The following PSG2 variants were observed in gnomAD, a reference collection of about 807,000 sequenced individuals.
PSG2 encodes pregnancy specific beta-1-glycoprotein 2.
Under a neutral mutation model 36.2 loss-of-function variants are expected in PSG2, and 49 were observed. The observed-to-expected ratio is 1.35, with a 90% CI of 1.08 to 1.72. The LOEUF (loss-of-function observed/expected upper bound fraction) is 1.72. Among genes scored for constraint, PSG2 ranks in the 40% most tolerant of loss-of-function variants. The pLI is 0.00. For synonymous variants in PSG2, 261 were observed against 155.6 expected (o/e 1.68, Z -5.04); for missense variants, 605 against 407.2 (o/e 1.49, Z -4.18).
intron 5 of PSG2, among the ~76,000 whole-genome samples, chr19:43,065,294 T>A (rs998199624): frequency 6.6e-6 from 1 of 151,756 alleles, no homozygotes; most frequent in African/African-American, 2.4e-5. Context: ...GAGTTCTTGG[T>A]GTAGCCCATT....
chr19:43,076,660 C>T (rs1161741610), intron 2 of PSG2, among the ~76,000 whole-genome samples: 1 of 151,434 alleles, frequency 6.6e-6, no homozygotes, highest in African/African-American at 2.4e-5. Context: ...TAGTAGTTTC[C>T]AGGAGCTGGG....
intron 5 of PSG2, among the ~76,000 whole-genome samples, chr19:43,064,949 A>G (rs1568509524): frequency 6.6e-6 from 1 of 151,714 alleles, no homozygotes; most frequent in Non-Finnish European, 1.5e-5. Flanking sequence ...CTCCTGCCTC[A>G]GCCTCCTGAG....
At chr19:43,068,244 A>G (rs1277344267) in intron 4 of PSG2, among the ~76,000 whole-genome samples, 4 of 151,420 alleles carry the variant, frequency 2.6e-5, no homozygotes, top group African/African-American at 4.9e-5. Flanking sequence ...GGACCAGCAT[A>G]GGTAACCTGG....
At chr19:43,080,008 A>G (rs1357242466) in intron 2 of PSG2, among the ~76,000 whole-genome samples, 2 of 151,714 alleles carry the variant, frequency 1.3e-5, no homozygotes, top group African/African-American at 4.9e-5. Flanking sequence ...GTGGCTTTTC[A>G]TGCTATCTGT....
chr19:43,080,959 C>A lies in PSG2; in HGVS notation c.352G>T (p.Gly118Ter), dbSNP rs149579909. ...LIQNVTREDAGSYTLHIIKRG... is the reference protein window; with the variant it reads ...LIQNVTREDA ...TTTATGATGTGTAAGGTGTAGGATC[C>A]TGCGTCCTCCCGGGTGACATTCTGG... is the stretch of plus-strand genomic sequence containing the variant. Residue 118 changes from glycine to a stop codon, truncating the protein, a stop_gained, in exon 2 of 6, where the codon GGA becomes TGA. Coordinates refer to ENST00000406487, the MANE Select transcript of PSG2 (RefSeq NM_031246.4). LOFTEE classifies it high-confidence loss of function. The A allele has an allele frequency of 1.7e-5, 28 of 1,612,246 alleles. No homozygotes were observed. The highest frequency in any genetic ancestry group is 2.3e-5 in the Non-Finnish European group (27 of 1,179,194).
chr19:43,075,505 G>T lies in PSG2; in HGVS notation c.558C>A (p.Ser186Arg). 1.2e-6 allele frequency: 2 copies of T among 1,613,212 alleles called. No individual in the cohort carries two copies. The highest frequency in any genetic ancestry group is 1.7e-6 in the Non-Finnish European group (2 of 1,179,720). The change falls in exon 3 of 6, where the codon AGC becomes AGA. Residue 186 changes from serine (S) to arginine (R), a missense_variant. Physicochemically the swap from Ser to Arg is moderately radical, Grantham distance 110. Coordinates refer to ENST00000406487, the MANE Select transcript of PSG2 (RefSeq NM_031246.4). Reference sequence around the variant, plus strand: ...GCTGAAACCTATGAGTCATAGGGAGGCTCTGACCATTCATCCACCACTGGT... The same window carrying T: ...GCTGAAACCTATGAGTCATAGGGAGTCTCTGACCATTCATCCACCACTGGT... Reference protein sequence around the residue: ...TSYQWWMNGQSLPMTHRFQLS... With the variant: ...TSYQWWMNGQRLPMTHRFQLS...
At chr19:43,065,225 T>C (rs938376002) in intron 5 of PSG2, among the ~76,000 whole-genome samples, 2 of 151,654 alleles carry the variant, frequency 1.3e-5, no homozygotes, top group Non-Finnish European at 2.9e-5. Flanking sequence ...TTTCTATAAA[T>C]TTAATATATA....
Position 43,072,325 on chromosome 19 carries a change from C to A in PSG2, c.710-371G>T, listed in dbSNP as rs1967831191. On this transcript the variant is annotated intron_variant, in intron 3 of 5. Transcript: ENST00000406487. ...GGTCATTTGGATTTAAGCTGGTGGC[C>A]TGGCCCACAGAGGAACAAAAGATAC... The A allele has an allele frequency of 5.0e-6, 8 of 1,610,678 alleles. No individual in the cohort carries two copies. The East Asian group carries it at 1.6e-4, about 31-fold the overall frequency.
intron 4 of PSG2, among the ~76,000 whole-genome samples, chr19:43,067,449 C>CATAT (rs761501366): frequency 2.0e-5 from 3 of 149,438 alleles, no homozygotes; most frequent in Non-Finnish European, 3.0e-5. Flanking sequence ...CCTCTTTTTC[C>CATAT]ATATATATAT....
intron 3 of PSG2, among the ~76,000 whole-genome samples, chr19:43,075,050 C>A (rs1263135817): frequency 6.6e-6 from 1 of 151,696 alleles, no homozygotes; most frequent in Non-Finnish European, 1.5e-5. Context: ...AGCCAAGCCG[C>A]AACACTGAAC....
intron 3 of PSG2, among the ~76,000 whole-genome samples, chr19:43,075,049 G>C (rs62112361): frequency 0.13 from 19,195 of 151,564 alleles, 1,848 homozygotes; most frequent in African/African-American, 0.23. Flanking sequence ...GAGCCAAGCC[G>C]CAACACTGAA....
At position 43,072,858 on chromosome 19, in the gene PSG2, G is replaced by A. The variant is rs1014421103; in HGVS notation, c.710-904C>T. 4.7e-4 allele frequency among the ~76,000 whole-genome samples: 71 copies of A among 151,718 alleles called. 1 individual carries two copies. Among genetic ancestry groups the A allele is most frequent in the African/African-American group, 1.7e-3 (68 of 41,104 alleles). ...ACAGACTTTCTGAAGTGTCAATTGA[G>A]CAGCAGTGTTGGGTCATGGACAGAC... On this transcript the variant is annotated intron_variant, in intron 3 of 5. Transcript: ENST00000406487.
chr19:43,065,530 G>A (rs984364610), intron 5 of PSG2: 3 of 151,604 alleles, frequency 2.0e-5, no homozygotes, highest in African/African-American at 4.9e-5. Context: ...TGGGGCTTGA[G>A]CATCCACTTT....
chr19:43,078,786 ATTT>A (rs879554049), intron 2 of PSG2, among the ~76,000 whole-genome samples: 2 of 151,484 alleles, frequency 1.3e-5, no homozygotes, highest in Admixed American at 1.3e-4. Context: ...CATTTCAATA[ATTT>A]TTTTGTGTGT....
At chr19:43,070,067 C>T (rs759180419) in intron 4 of PSG2, among the ~76,000 whole-genome samples, 1 of 151,616 alleles carries the variant, frequency 6.6e-6, no homozygotes, top group Non-Finnish European at 1.5e-5. Context: ...CACAAATATC[C>T]AGTAAGCCCA....
chr19:43,070,491 A>G (rs962549872), intron 4 of PSG2, among the ~76,000 whole-genome samples: 1 of 151,844 alleles, frequency 6.6e-6, no homozygotes, highest in East Asian at 1.9e-4. Flanking sequence ...AGGTGTGTCT[A>G]TACGTTGAAA....
chr19:43,077,169 T>C (rs1254988349), intron 2 of PSG2, among the ~76,000 whole-genome samples: 1 of 151,614 alleles, frequency 6.6e-6, no homozygotes, highest in Non-Finnish European at 1.5e-5. Flanking sequence ...GTAGTATTTC[T>C]CCTGAGACCA....
At chr19:43,068,393 C>A (rs1479329871) in intron 4 of PSG2, among the ~76,000 whole-genome samples, 16 of 150,184 alleles carry the variant, frequency 1.1e-4, no homozygotes, top group Non-Finnish European at 2.4e-4. Context: ...GAGCCATAAT[C>A]ACACAACTGT....
chr19:43,082,118 CT>C (rs1967986438), intron 1 of PSG2: 1 of 66,142 alleles, frequency 1.5e-5, no homozygotes, highest in Non-Finnish European at 2.8e-5. Context: ...TTTCTTTCTT[CT>C]CTCTTTTTTT....
Sources: gnomAD v4.1 joint callset for allele counts (sites outside exome capture counted in the v4.1 genomes callset) on GRCh38, gnomAD v4.1.1 for gene constraint, MANE v1.5 for transcripts, NCBI Gene and HGNC (gene_info 2026-07-23, HGNC 2026-07-21) for gene names.